Variants in DNAH17 observed in about 807,000 individuals in gnomAD.
DNAH17 encodes the protein axonemal beta dynein heavy chain 17.
A neutral mutation model predicts 485.6 loss-of-function variants in DNAH17; 376 were observed. The observed-to-expected ratio is 0.77, with a 90% CI of 0.71 to 0.84. The LOEUF (loss-of-function observed/expected upper bound fraction) is 0.84, where lower values mean the gene tolerates loss of function less well. Among genes scored for constraint, DNAH17 ranks in the 40% least tolerant of loss-of-function variants. DNAH17 has a pLI of 0.00. For synonymous variants in DNAH17, 3,031 were observed against 2,405.9 expected (o/e 1.26, Z -7.60); for missense variants, 6,370 against 5,839.3 (o/e 1.09, Z -2.96).
rs1027751459 is a variant in DNAH17, at chr17:78,462,768, T to C, written c.9174+76A>G. The C allele has an allele frequency of 2.8e-6, 4 of 1,448,796 alleles. No individual in the cohort carries two copies. The African/African-American group carries it at 4.2e-5, about 15-fold the overall frequency. 89.7% of individuals were successfully genotyped at this position (1,448,796 alleles called of 1,614,324 possible). A position where few individuals can be genotyped will look rare whatever the true frequency, so the allele number is the denominator to read the frequency against. ...AGCCCCAGTGTGACCAGCCCGTGGA[T>C]GCCTGTGACAGTAGCAGCTCCTGCG... On this transcript the variant is annotated intron_variant, in intron 57 of 80. Coordinates refer to ENST00000389840, the MANE Select transcript of DNAH17 (RefSeq NM_173628.4).
chr17:78,552,602 G>A (rs2091928207), intron 15 of DNAH17, 95 bp downstream of exon 15: 2 of 807,220 alleles, frequency 2.5e-6, no homozygotes, highest in Admixed American at 1.9e-5. Flanking sequence ...CAGCCAGGAG[G>A]CAGAAGTGAC....
chr17:78,546,395 T>C (rs1264681023), intron 16 of DNAH17, among the ~76,000 whole-genome samples: 1 of 152,164 alleles, frequency 6.6e-6, no homozygotes, highest in Non-Finnish European at 1.5e-5. Context: ...TTTTAAATAC[T>C]TTATATATAC....
chr17:78,539,242 A>G (rs1055181247), intron 18 of DNAH17, among the ~76,000 whole-genome samples: 2 of 152,100 alleles, frequency 1.3e-5, no homozygotes, highest in Non-Finnish European at 2.9e-5. Flanking sequence ...AAAAATAAAA[A>G]AATAAAATAA....
intron 75 of DNAH17, among the ~76,000 whole-genome samples, chr17:78,429,848 T>G (rs926842478): frequency 2.6e-5 from 4 of 152,194 alleles, no homozygotes; most frequent in Admixed American, 6.5e-5. Context: ...TTCCACCCTG[T>G]GGAAGTAGAG....
chr17:78,432,838 G>A (rs899582944), intron 75 of DNAH17, among the ~76,000 whole-genome samples: 1 of 151,204 alleles, frequency 6.6e-6, no homozygotes, highest in Non-Finnish European at 1.5e-5. Context: ...GAGGAAGCAG[G>A]CTTAGCGGTC....
At chr17:78,521,864 G>A (rs532015295) in intron 25 of DNAH17, among the ~76,000 whole-genome samples, 1 of 152,212 alleles carries the variant, frequency 6.6e-6, no homozygotes, top group South Asian at 2.1e-4. Flanking sequence ...GCGTGCGCCT[G>A]TAATCCCAGC....
At chr17:78,454,861 A>C (rs566518682) in intron 63 of DNAH17, among the ~76,000 whole-genome samples, 156 bp from the exon 64 acceptor site, 2 of 151,748 alleles carry the variant, frequency 1.3e-5, no homozygotes, top group East Asian at 3.9e-4. Context: ...CTCTGGACAG[A>C]GCAGCTTTGT....
intron 72 of DNAH17, among the ~76,000 whole-genome samples, chr17:78,439,665 CTTTTTTT>C (rs11399691): frequency 6.5e-5 from 6 of 92,236 alleles, no homozygotes; most frequent in South Asian, 3.7e-4. Context: ...CAGTACTTCA[CTTTTTTT>C]TTTTTTTTTT....
rs55669221 is a variant in DNAH17, at chr17:78,544,800, C to CAAAAAAAAAAAAAAAAAAA, written c.2392-822_2392-804dup. ...TGGGGCACAGAGCGAGACTCAGTCTCAAAAAAAAAAAAAAAAAAAAAAAAG... is the reference window on the plus strand; with the variant it reads ...TGGGGCACAGAGCGAGACTCAGTCTCAAAAAAAAAAAAAAAAAAAAAAAAAAAAAAAAAAAAAAAAAAAG... On this transcript the variant is annotated intron_variant, in intron 16 of 80. Transcript: ENST00000389840. Among the ~76,000 whole-genome samples the CAAAAAAAAAAAAAAAAAAA allele has an allele frequency of 1.3e-3, 59 of 46,870 alleles. 3 individuals are homozygous for CAAAAAAAAAAAAAAAAAAA. Among genetic ancestry groups the CAAAAAAAAAAAAAAAAAAA allele is most frequent in the African/African-American group, 5.4e-3 (55 of 10,138 alleles). The allele number at this position is 46,870 out of a possible 152,430, so 30.7% of individuals were successfully genotyped here.
rs9902653 is a variant in DNAH17 at position 78,507,884 on chromosome 17, T to C, written c.4237-79A>G. On this transcript the variant is annotated intron_variant, in intron 27 of 80. Coordinates refer to ENST00000389840, the MANE Select transcript of DNAH17 (RefSeq NM_173628.4). ...GGCAGGACCCAGAGTTTCCAGGACA[T>C]AGACTGAAGCTCCATGATCAGAAAG... The C allele has an allele frequency of 0.41, 536,726 of 1,306,332 alleles. 113,755 individuals carry two copies. Among genetic ancestry groups the C allele is most frequent in the African/African-American group, 0.49 (33,022 of 67,510 alleles). 80.9% of individuals were successfully genotyped at this position (1,306,332 alleles called of 1,614,324 possible).
rs555133387 is a variant in DNAH17 at position 78,486,095 on chromosome 17, G to A, written c.7140C>T (p.Ile2380=). ...GGAACTTGATAGTCTTGAATTCGTT[G>A]ATCCACCATTTACTGAACTCCACTC... The part of the protein sequence containing the change: ...DYRVEFSKWW[I]NEFKTIKFPS... The change falls in exon 46 of 81, where the codon ATC becomes ATT. Residue 2380 remains isoleucine (I), a synonymous_variant. Coordinates refer to ENST00000389840, the MANE Select transcript of DNAH17 (RefSeq NM_173628.4). The A allele has an allele frequency of 2.2e-5, 35 of 1,613,886 alleles. No individual in the cohort carries two copies. In the Admixed American group the frequency reaches 4.8e-4, roughly 22 times the overall value.
intron 63 of DNAH17, 111 bp from the exon 64 acceptor site, chr17:78,454,816 C>T: frequency 1.1e-6 from 1 of 917,428 alleles, no homozygotes; most frequent in Non-Finnish European, 1.6e-6. Context: ...GGTGGACCAG[C>T]AGGACGACCT....
At chr17:78,517,793 T>C (rs2090827968) in intron 25 of DNAH17, among the ~76,000 whole-genome samples, 1 of 152,178 alleles carries the variant, frequency 6.6e-6, no homozygotes, top group Non-Finnish European at 1.5e-5. Context: ...ACTTCCAGCT[T>C]CTCTCTCTTA....
intron 16 of DNAH17, among the ~76,000 whole-genome samples, chr17:78,546,071 C>T (rs2091755123): frequency 1.3e-5 from 2 of 152,016 alleles, no homozygotes; most frequent in Admixed American, 6.6e-5. Context: ...ACCTCCCAGG[C>T]TCAAAAGTGA....
At chr17:78,553,011 G>A (rs1363325038) in intron 14 of DNAH17, among the ~76,000 whole-genome samples, 1 of 152,114 alleles carries the variant, frequency 6.6e-6, no homozygotes, top group African/African-American at 2.4e-5. Flanking sequence ...TCTCATGAAT[G>A]GTGTAGCATC....
At chr17:78,438,865 G>C (rs1161709119) in intron 73 of DNAH17, among the ~76,000 whole-genome samples, 1 of 152,102 alleles carries the variant, frequency 6.6e-6, no homozygotes, top group Non-Finnish European at 1.5e-5. Context: ...TCTCACCGTT[G>C]AAGAATCCAC....
chr17:78,463,108 G>C, intron 56 of DNAH17, 31 bp from the exon 57 acceptor site: 1 of 1,603,374 alleles, frequency 6.2e-7, no homozygotes, highest in South Asian at 1.1e-5. Context: ...GTCATCCCTG[G>C]GACCCCATCC....
In DNAH17 at chr17:78,475,349, C is replaced by A. The variant is rs1184636909; in HGVS notation, c.8440G>T (p.Ala2814Ser). The A allele has an allele frequency of 6.2e-7, 1 of 1,613,884 alleles. No homozygotes were observed. Among genetic ancestry groups the A allele is most frequent in the African/African-American group, 1.3e-5 (1 of 74,924 alleles). The change falls in exon 54 of 81, where the codon GCA (alanine) becomes TCA (serine). Residue 2814 changes from alanine (A) to serine (S), a missense_variant. Ala to Ser is a moderately conservative substitution (Grantham distance 99, BLOSUM62 1). Transcript: ENST00000389840. ...GSGKQSLSRL[A>S]AYISGLDVFQ... ...ACGTCAAGCCCGCTGATGTACGCTG[C>A]CAGGCGGGAGAGGCTCTGTTTGCCA...
At chr17:78,527,105 C>T (rs532601603) in intron 22 of DNAH17, 109 bp from the exon 23 acceptor site, 29 of 910,534 alleles carry the variant, frequency 3.2e-5, no homozygotes, top group East Asian at 5.4e-5. Flanking sequence ...GTGCAGGGGC[C>T]GGCGCGGTGG....
Sources: gnomAD v4.1 joint callset for allele counts (sites outside exome capture counted in the v4.1 genomes callset) on GRCh38, gnomAD v4.1.1 for gene constraint, MANE v1.5 for transcripts, NCBI Gene and HGNC (gene_info 2026-07-23, HGNC 2026-07-21) for gene names.